Variants in ADAM9 observed in about 807,000 individuals in gnomAD.
ADAM9 encodes the protein disintegrin and metalloproteinase domain-containing protein 9.
ADAM9 carries 54 observed loss-of-function variants against 108.1 expected under a neutral mutation model. The ratio of observed to expected loss-of-function variants is 0.50; its 90% CI spans 0.40 to 0.63. The LOEUF (loss-of-function observed/expected upper bound fraction) is 0.63. Among genes scored for constraint, ADAM9 ranks in the 20% least tolerant of loss-of-function variants. ADAM9 has a pLI of 0.00. For synonymous variants in ADAM9, 316 were observed against 336.0 expected, an observed-to-expected ratio of 0.94 and a Z score of 0.65; for missense variants, 830 against 997.7, an observed-to-expected ratio of 0.83 and a Z score of 2.26.
intron 11 of ADAM9, among the ~76,000 whole-genome samples, chr8:39,028,778 A>C (rs955908810): frequency 6.6e-6 from 1 of 152,154 alleles, no homozygotes; most frequent in African/African-American, 2.4e-5. Flanking sequence ...AACATAAGAA[A>C]ATCAATAATA....
At chr8:39,050,002 T>G (rs544596381) in intron 12 of ADAM9, among the ~76,000 whole-genome samples, 50 of 152,306 alleles carry the variant, frequency 3.3e-4, no homozygotes, top group African/African-American at 1.1e-3. Context: ...TCTTAATGTC[T>G]TCTTCATTTT....
intron 20 of ADAM9, among the ~76,000 whole-genome samples, chr8:39,094,027 C>T (rs1839428784): frequency 6.6e-6 from 1 of 152,220 alleles, no homozygotes; most frequent in South Asian, 2.1e-4. Context: ...CTGCCTCGGC[C>T]TCCCAAAGTG....
In ADAM9 at chr8:39,103,833, T is replaced by A. The variant is rs749331790; in HGVS notation, c.*133T>A. 22 of 855,926 alleles carry A rather than the reference T, an allele frequency of 2.6e-5. 1 individual carries two copies. In the South Asian group the frequency reaches 3.1e-4, roughly 12 times the overall value. The allele number at this position is 855,926 out of a possible 1,614,324, so 53.0% of individuals were successfully genotyped here. A position where few individuals can be genotyped will look rare whatever the true frequency, so the allele number is the denominator to read the frequency against. ...CAAAACACCACAAAACAGACTTCAC[T>A]AACACAGAAAAACAGAAACTGAGTG... On this transcript the variant is annotated 3_prime_UTR_variant, in exon 22 of 22. Coordinates refer to ENST00000487273, the MANE Select transcript of ADAM9 (RefSeq NM_003816.3).
intron 11 of ADAM9, among the ~76,000 whole-genome samples, chr8:39,039,514 A>G (rs1465346762): frequency 6.6e-6 from 1 of 152,218 alleles, no homozygotes; most frequent in Non-Finnish European, 1.5e-5. Context: ...TGTTTGTCTT[A>G]CATATCTGCT....
chr8:39,091,734 G>A (rs1394206104), intron 20 of ADAM9, among the ~76,000 whole-genome samples: 5 of 152,068 alleles, frequency 3.3e-5, no homozygotes, highest in African/African-American at 1.2e-4. Flanking sequence ...TGATCCACCC[G>A]CCTTGGCCTC....
intron 13 of ADAM9, among the ~76,000 whole-genome samples, chr8:39,055,129 T>G (rs1838077023): frequency 6.6e-6 from 1 of 152,168 alleles, no homozygotes; most frequent in African/African-American, 2.4e-5. Flanking sequence ...ATGATGGACA[T>G]TTTGATTACT....
chr8:39,013,503 TC>T (rs1836425455), intron 3 of ADAM9, among the ~76,000 whole-genome samples: 1 of 147,632 alleles, frequency 6.8e-6, no homozygotes. Context: ...TTTTTTTTTC[TC>T]CTTTTTTTTT....
intron 12 of ADAM9, among the ~76,000 whole-genome samples, chr8:39,051,328 T>C (rs1283272002): frequency 6.6e-6 from 1 of 152,194 alleles, no homozygotes; most frequent in African/African-American, 2.4e-5. Context: ...ATCTCCAGTT[T>C]TCCTACTGGT....
intron 19 of ADAM9, 113 bp downstream of exon 19, chr8:39,090,301 T>A: frequency 1.1e-6 from 1 of 887,256 alleles, no homozygotes; most frequent in Non-Finnish European, 1.7e-6. Context: ...GCCTTCCAAG[T>A]AGTTGGGATT....
At chr8:39,036,887 A>G (rs1375665608) in intron 11 of ADAM9, among the ~76,000 whole-genome samples, 1 of 150,252 alleles carries the variant, frequency 6.7e-6, no homozygotes, top group Non-Finnish European at 1.5e-5. Flanking sequence ...TTTTTGGTAG[A>G]TTGCTGAAGG....
intron 14 of ADAM9, among the ~76,000 whole-genome samples, chr8:39,063,463 C>T (rs2129440087): frequency 6.6e-6 from 1 of 152,328 alleles, no homozygotes; most frequent in South Asian, 2.1e-4. Context: ...AGCCAGGCGC[C>T]TGTAATCCCA....
chr8:39,045,510 G>GTGTACACACCTATATGTGCGTGTGTA (rs1837729137), intron 12 of ADAM9, among the ~76,000 whole-genome samples: 1 of 65,540 alleles, frequency 1.5e-5, no homozygotes, highest in Non-Finnish European at 3.4e-5. Context: ...ATATGTGTGT[G>GTGTACACACCTATATGTGCGTGTGTA]TACATACATA....
At chr8:39,044,205 A>T (rs1327699545) in intron 12 of ADAM9, among the ~76,000 whole-genome samples, 1 of 152,156 alleles carries the variant, frequency 6.6e-6, no homozygotes, top group Non-Finnish European at 1.5e-5. Context: ...TTTTCTTCTA[A>T]GAGTTTTACT....
intron 9 of ADAM9, among the ~76,000 whole-genome samples, chr8:39,024,343 G>A (rs557316260): frequency 6.6e-6 from 1 of 152,112 alleles, no homozygotes; most frequent in South Asian, 2.1e-4. Flanking sequence ...CAGGTGTCAA[G>A]CATACTCACT....
intron 11 of ADAM9, among the ~76,000 whole-genome samples, chr8:39,038,818 T>C (rs1327615512): frequency 1.3e-5 from 2 of 152,258 alleles, no homozygotes; most frequent in Non-Finnish European, 2.9e-5. Flanking sequence ...AGCCTTGTGC[T>C]AAATGTTTTC....
intron 20 of ADAM9, among the ~76,000 whole-genome samples, chr8:39,100,200 A>G (rs1839644681): frequency 6.6e-6 from 1 of 151,698 alleles, no homozygotes; most frequent in Admixed American, 6.6e-5. Flanking sequence ...TTGTTGTAAG[A>G]TTCAGTCGGC....
chr8:39,019,711 G>T (rs1392014243), intron 7 of ADAM9, among the ~76,000 whole-genome samples: 6 of 152,164 alleles, frequency 3.9e-5, no homozygotes. Context: ...ATGATTGGCA[G>T]TTCCTTTCTT....
chr8:39,002,236 TG>T (rs1165169761), intron 1 of ADAM9, among the ~76,000 whole-genome samples: 1 of 151,796 alleles, frequency 6.6e-6, no homozygotes, highest in Non-Finnish European at 1.5e-5. Context: ...TAAAAGTGGC[TG>T]TTTGTTTATG....
chr8:39,086,048 T>C (rs12543921), intron 18 of ADAM9, among the ~76,000 whole-genome samples: 35,812 of 152,010 alleles, frequency 0.24, 4,536 homozygotes, highest in South Asian at 0.31. Flanking sequence ...AGAGTCTTGC[T>C]CTATCACCCA....
Sources: allele counts gnomAD v4.1 joint callset (sites outside exome capture counted in the v4.1 genomes callset), GRCh38; gene constraint gnomAD v4.1.1; transcripts MANE v1.5; gene names NCBI Gene and HGNC (gene_info 2026-07-23, HGNC 2026-07-21).